Variants in HELZ observed in about 807,000 individuals in gnomAD.
The protein encoded by HELZ is helicase with zinc finger, also known as ATP-dependent RNA helicase with zinc finger domain.
A neutral mutation model predicts 218.2 loss-of-function variants in HELZ; 23 were observed. The observed-to-expected ratio is 0.11, with a 90% confidence interval of 0.08 to 0.15. The LOEUF is 0.15. Ranked by LOEUF, HELZ falls within the 10% of genes least tolerant of loss-of-function variation. HELZ has a pLI of 1.00. For synonymous variants in HELZ, 814 were observed against 829.4 expected, an observed-to-expected ratio of 0.98 and a Z score of 0.32; for missense variants, 1,813 against 2,353.7, an observed-to-expected ratio of 0.77 and a Z score of 4.75.
intron 20 of HELZ, among the ~76,000 whole-genome samples, chr17:67,148,193 T>C (rs1247233858): frequency 6.6e-6 from 1 of 152,142 alleles, no homozygotes; most frequent in African/African-American, 2.4e-5. Context: ...TTGGACATTA[T>C]TTCTGGATAG....
intron 6 of HELZ, 108 bp downstream of exon 6, chr17:67,203,211 G>A (rs2143121840): frequency 5.2e-6 from 6 of 1,155,998 alleles, no homozygotes; most frequent in South Asian, 4.7e-5. Flanking sequence ...TTCTAATAGA[G>A]GAAGAACTAA....
chr17:67,145,498 TTGAA>T (rs1347173971), intron 21 of HELZ, among the ~76,000 whole-genome samples: 1 of 152,208 alleles, frequency 6.6e-6, no homozygotes, highest in Non-Finnish European at 1.5e-5. Context: ...GGTTTTTCTT[TTGAA>T]TGAAATCATG....
chr17:67,127,638 C>T (rs534268133), intron 24 of HELZ, among the ~76,000 whole-genome samples: 5 of 152,216 alleles, frequency 3.3e-5, no homozygotes, highest in South Asian at 2.1e-4. Flanking sequence ...ACCTGAGCCC[C>T]GGAGTTTGAG....
chr17:67,195,047 G>C (rs1470977169), intron 8 of HELZ, among the ~76,000 whole-genome samples: 2 of 152,126 alleles, frequency 1.3e-5, no homozygotes, highest in African/African-American at 2.4e-5. Flanking sequence ...CATTAGGGCA[G>C]GAACAACTCA....
chr17:67,094,469 C>A (rs769346702), intron 31 of HELZ, among the ~76,000 whole-genome samples: 1 of 151,876 alleles, frequency 6.6e-6, no homozygotes, highest in Non-Finnish European at 1.5e-5. Flanking sequence ...TACAGACACA[C>A]CTTGGAGATA....
At chr17:67,245,487 C>A, upstream of HELZ, 1 of 985,830 alleles carries the variant, frequency 1.0e-6, no homozygotes, top group Non-Finnish European at 1.2e-6. Flanking sequence ...CCTGCCCGGG[C>A]AGACGCCCCG....
At chr17:67,169,332 T>C (rs571271616) in intron 13 of HELZ, among the ~76,000 whole-genome samples, 91 of 152,268 alleles carry the variant, frequency 6.0e-4, no homozygotes, top group African/African-American at 1.5e-3. Flanking sequence ...CTCTGGAGAA[T>C]AGAAAGTCTA....
At chr17:67,105,825 A>G (rs1002864065) in intron 31 of HELZ, among the ~76,000 whole-genome samples, 2 of 152,228 alleles carry the variant, frequency 1.3e-5, no homozygotes, top group Non-Finnish European at 2.9e-5. Context: ...AGAGCCTAAA[A>G]TCACAGTAAG....
At chr17:67,172,518 T>C (rs1164101995) in intron 13 of HELZ, among the ~76,000 whole-genome samples, 1 of 152,252 alleles carries the variant, frequency 6.6e-6, no homozygotes, top group South Asian at 2.1e-4. Context: ...ATTCCCACTT[T>C]AGCCACTTTA....
chr17:67,187,589 G>A (rs1271997174), intron 12 of HELZ, among the ~76,000 whole-genome samples: 2 of 152,210 alleles, frequency 1.3e-5, no homozygotes, highest in Non-Finnish European at 2.9e-5. Context: ...TCTGCTTTTT[G>A]AAGTGTTTGT....
In HELZ at chr17:67,188,112, A is replaced by T; in HGVS notation, c.1162+207T>A. The T allele has an allele frequency of 2.0e-6, 1 of 498,528 alleles. No homozygotes were observed. Among genetic ancestry groups the T allele is most frequent in the Non-Finnish European group, 3.5e-6 (1 of 285,372 alleles). The allele number at this position is 498,528 out of a possible 1,614,324, so 30.9% of individuals were successfully genotyped here. On this transcript the variant is annotated intron_variant, in intron 12 of 32. Coordinates refer to ENST00000358691, the MANE Select transcript of HELZ (RefSeq NM_014877.4). This position sits in a 1 kb window ranked among gnomAD's most constrained non-coding sequence, Gnocchi z 4.1. ...ACAAGTTTGGGGAACCTCAAAGTTC[A>T]AGCTTTACCTGGTGGCTCTGTGAAG...
At chr17:67,122,864 A>C in intron 26 of HELZ, 106 bp downstream of exon 26, 1 of 778,046 alleles carries the variant, frequency 1.3e-6, no homozygotes, top group Non-Finnish European at 2.0e-6. Context: ...AGCACTGAAA[A>C]TTTTTTTTAA....
chr17:67,155,516 T>G (rs1205205444), intron 17 of HELZ, among the ~76,000 whole-genome samples: 1 of 152,162 alleles, frequency 6.6e-6, no homozygotes, highest in Non-Finnish European at 1.5e-5. Context: ...TGAAAGGAAA[T>G]ATGCATATTA....
rs1293140022 is a variant in HELZ at position 67,073,969 on chromosome 17, G to A, written c.*4283C>T. 7.2e-5 allele frequency: 11 copies of A among 152,130 alleles called. No individual in the cohort carries two copies. 9.4% of individuals were successfully genotyped at this position (152,130 alleles called of 1,614,324 possible). A position where few individuals can be genotyped will look rare whatever the true frequency, so the allele number is the denominator to read the frequency against. The stretch of plus-strand genomic sequence containing the variant: ...CAGTTACTCTTTCAAGATGGAGATG[G>A]TGTCTTTGTAAGTGATTGGCACCAC... On this transcript the variant is annotated 3_prime_UTR_variant, in exon 33 of 33. Coordinates refer to ENST00000358691, the MANE Select transcript of HELZ (RefSeq NM_014877.4).
chr17:67,231,997 G>A (rs1262222697), intron 3 of HELZ, among the ~76,000 whole-genome samples: 3 of 134,788 alleles, frequency 2.2e-5, no homozygotes, highest in African/African-American at 8.5e-5. Context: ...AAGTTGCAGT[G>A]AGCCAAGATC....
intron 23 of HELZ, among the ~76,000 whole-genome samples, chr17:67,130,684 C>A (rs2037951608): frequency 6.6e-6 from 1 of 152,054 alleles, no homozygotes; most frequent in South Asian, 2.1e-4. Context: ...ACTTTCCCAC[C>A]CTTTTAATAA....
At position 67,072,209 on chromosome 17, in the gene HELZ, G is replaced by A. The variant is rs759503588; in HGVS notation, c.*6043C>T. 95 of 152,638 alleles carry A rather than the reference G, an allele frequency of 6.2e-4. No homozygotes were observed. The Middle Eastern group carries it at 0.02, about 32-fold the overall frequency. The allele number at this position is 152,638 out of a possible 1,614,324, so 9.5% of individuals were successfully genotyped here. A position where few individuals can be genotyped will look rare whatever the true frequency, so the allele number is the denominator to read the frequency against. ...AAATTAGCTGGGCGTGGTGGCGCAT[G>A]CCTGTAGTCCCAACTACTTGGGAGG... is the stretch of plus-strand genomic sequence containing the variant. On this transcript the variant is annotated 3_prime_UTR_variant, in exon 33 of 33. Coordinates refer to ENST00000358691, the MANE Select transcript of HELZ (RefSeq NM_014877.4).
At chr17:67,189,884 A>T (rs2039849953) in intron 10 of HELZ, among the ~76,000 whole-genome samples, 188 bp from the exon 11 acceptor site, 1 of 152,216 alleles carries the variant, frequency 6.6e-6, no homozygotes, top group South Asian at 2.1e-4. Flanking sequence ...TAAGAGAGAA[A>T]AGAAAATTAA....
intron 24 of HELZ, among the ~76,000 whole-genome samples, chr17:67,125,305 T>C (rs1452627941): frequency 8.6e-5 from 2 of 23,258 alleles, no homozygotes; most frequent in African/African-American, 1.4e-4. Context: ...TATATATATA[T>C]ATATATATAT....
Sources: allele counts gnomAD v4.1 joint callset (sites outside exome capture counted in the v4.1 genomes callset), GRCh38; gene constraint gnomAD v4.1.1; non-coding constraint Gnocchi (gnomAD v3.1); transcripts MANE v1.5; gene names NCBI Gene and HGNC (gene_info 2026-07-23, HGNC 2026-07-21).